The following LRRIQ3 variants were observed in gnomAD, a reference collection of about 807,000 sequenced individuals.
LRRIQ3 encodes leucine rich repeats and IQ motif containing 3, also known as leucine-rich repeat and IQ domain-containing protein 3.
Under a neutral mutation model 59.3 loss-of-function variants are expected in LRRIQ3, and 75 were observed. The observed-to-expected ratio is 1.26, with a 90% CI of 1.05 to 1.53. The LOEUF (loss-of-function observed/expected upper bound fraction) is 1.53. LRRIQ3 is among the 40% of genes most tolerant of loss of function. The pLI, the probability that LRRIQ3 is intolerant of heterozygous loss-of-function variation, is 0.00. For missense variants in LRRIQ3, 831 were observed against 710.0 expected (o/e 1.17, Z -1.94); for synonymous variants, 250 against 231.3 (o/e 1.08, Z -0.73).
intron 4 of LRRIQ3, among the ~76,000 whole-genome samples, chr1:74,153,885 A>G (rs2100662949): frequency 6.6e-6 from 1 of 152,286 alleles, no homozygotes; most frequent in East Asian, 1.9e-4. Context: ...AAGAAATCCA[A>G]GGAAAATTTC....
intron 6 of LRRIQ3, among the ~76,000 whole-genome samples, chr1:74,069,442 T>G (rs1654958538): frequency 6.6e-6 from 1 of 151,974 alleles, no homozygotes; most frequent in Non-Finnish European, 1.5e-5. Context: ...TAGCATTATT[T>G]AAAAATGTCT....
chr1:74,154,107 G>C (rs556734012), intron 4 of LRRIQ3, among the ~76,000 whole-genome samples: 4 of 151,718 alleles, frequency 2.6e-5, no homozygotes, highest in Admixed American at 1.3e-4. Flanking sequence ...CGGGCGTGGC[G>C]GCGGGTGCCT....
At chr1:74,128,737 T>C (rs928102591) in intron 4 of LRRIQ3, among the ~76,000 whole-genome samples, 1 of 152,080 alleles carries the variant, frequency 6.6e-6, no homozygotes, top group African/African-American at 2.4e-5. Flanking sequence ...TATGTGTGCT[T>C]CTTGGGAAGG....
chr1:74,155,964 CAAAATGTTCACA>C, intron 3 of LRRIQ3, 98 bp from the exon 4 acceptor site: 1 of 703,618 alleles, frequency 1.4e-6, no homozygotes, highest in Non-Finnish European at 2.1e-6. Context: ...AATAAACTAA[CAAAATGTTCACA>C]AGGTCTTACA....
At chr1:74,105,697 G>A (rs1225675268) in intron 5 of LRRIQ3, among the ~76,000 whole-genome samples, 1 of 151,862 alleles carries the variant, frequency 6.6e-6, no homozygotes, top group African/African-American at 2.4e-5. Context: ...TTAATGGAAA[G>A]GGTTCACAGG....
At chr1:74,157,697 A>G (rs1648419674) in intron 3 of LRRIQ3, among the ~76,000 whole-genome samples, 1 of 151,894 alleles carries the variant, frequency 6.6e-6, no homozygotes, top group African/African-American at 2.4e-5. Flanking sequence ...TTTCCTCTAA[A>G]TCTTGTTTAC....
At chr1:74,123,398 C>A (rs1458999491) in intron 4 of LRRIQ3, among the ~76,000 whole-genome samples, 1 of 151,946 alleles carries the variant, frequency 6.6e-6, no homozygotes, top group Non-Finnish European at 1.5e-5. Context: ...AGATCTTATT[C>A]ATTACATCTA....
chr1:74,111,499 C>T (rs1646694174), intron 4 of LRRIQ3, among the ~76,000 whole-genome samples: 1 of 151,948 alleles, frequency 6.6e-6, no homozygotes, highest in South Asian at 2.1e-4. Flanking sequence ...CATTGCAGAG[C>T]TTTGAGCAGA....
intron 4 of LRRIQ3, among the ~76,000 whole-genome samples, chr1:74,144,017 T>C (rs1217130900): frequency 6.6e-6 from 1 of 151,978 alleles, no homozygotes; most frequent in Non-Finnish European, 1.5e-5. Flanking sequence ...ATTAACGATG[T>C]ACATTTAAAA....
In LRRIQ3 at chr1:74,173,484, C is replaced by T. The variant is rs373511895; in HGVS notation, c.573+9054G>A. Among the ~76,000 whole-genome samples, 13 of 151,744 alleles carry T rather than the reference C, an allele frequency of 8.6e-5. No individual in the cohort carries two copies. The East Asian group carries it at 1.9e-3, about 23-fold the overall frequency. ...GCTTGATAATTTTTATACTGCTATG[C>T]TTTGATGCTATTTTATCTTTTGTGT... On this transcript the variant is annotated intron_variant, in intron 3 of 7. Coordinates refer to ENST00000354431, the MANE Select transcript of LRRIQ3 (RefSeq NM_001105659.2).
chr1:74,157,565 T>G (rs2100672351), intron 3 of LRRIQ3, among the ~76,000 whole-genome samples: 1 of 152,152 alleles, frequency 6.6e-6, no homozygotes, highest in South Asian at 2.1e-4. Flanking sequence ...TTTGTTTTGT[T>G]TTTCTATCTC....
chr1:74,133,493 A>G (rs1342524091), intron 4 of LRRIQ3, among the ~76,000 whole-genome samples: 3 of 152,142 alleles, frequency 2.0e-5, no homozygotes, highest in East Asian at 1.9e-4. Flanking sequence ...CTGGATTAAG[A>G]AAATGTGGCA....
At chr1:74,180,607 T>C in intron 3 of LRRIQ3, 1 of 1,015,602 alleles carries the variant, frequency 9.8e-7, no homozygotes, top group South Asian at 1.8e-5. Context: ...TCCACACTTA[T>C]TCTTCTCCTC....
chr1:74,084,099 C>G, intron 5 of LRRIQ3: 1 of 1,451,674 alleles, frequency 6.9e-7, no homozygotes, highest in South Asian at 1.3e-5. Context: ...CAATCAGAGA[C>G]AAGTTTTCAT....
At chr1:74,130,360 G>A (rs1249085475) in intron 4 of LRRIQ3, among the ~76,000 whole-genome samples, 1 of 152,074 alleles carries the variant, frequency 6.6e-6, no homozygotes, top group Non-Finnish European at 1.5e-5. Context: ...GTTCCACCAA[G>A]TGCCACTTTC....
chr1:74,136,162 A>G (rs1004121373), intron 4 of LRRIQ3, among the ~76,000 whole-genome samples: 1 of 151,946 alleles, frequency 6.6e-6, no homozygotes, highest in African/African-American at 2.4e-5. Flanking sequence ...AAAAGACACT[A>G]ATTACCAAAA....
intron 6 of LRRIQ3, among the ~76,000 whole-genome samples, chr1:74,073,485 T>C (rs1655086535): frequency 6.6e-6 from 1 of 151,552 alleles, no homozygotes; most frequent in African/African-American, 2.4e-5. Context: ...CACTCAAACT[T>C]AGGTGACAGA....
intron 1 of LRRIQ3, among the ~76,000 whole-genome samples, chr1:74,191,834 G>T (rs1650785668): frequency 6.6e-6 from 1 of 152,016 alleles, no homozygotes; most frequent in East Asian, 1.9e-4. Context: ...AAAGAGCAAA[G>T]ATCTAAAATG....
intron 5 of LRRIQ3, among the ~76,000 whole-genome samples, chr1:74,101,789 C>T (rs1646536865): frequency 6.6e-6 from 1 of 152,076 alleles, no homozygotes; most frequent in South Asian, 2.1e-4. Context: ...AACCATCATT[C>T]TCATCAAACT....
Sources: allele counts gnomAD v4.1 joint callset (sites outside exome capture counted in the v4.1 genomes callset), GRCh38; gene constraint gnomAD v4.1.1; transcripts MANE v1.5; gene names NCBI Gene and HGNC (gene_info 2026-07-23, HGNC 2026-07-21).